Variants in PIK3R3 observed in about 807,000 individuals in gnomAD.
PIK3R3 encodes phosphoinositide-3-kinase regulatory subunit 3, also known as phosphatidylinositol 3-kinase regulatory subunit gamma.
A neutral mutation model predicts 62.9 loss-of-function variants in PIK3R3; 64 were observed. That is an observed-to-expected ratio of 1.02 (90% CI 0.83 to 1.25). The LOEUF (loss-of-function observed/expected upper bound fraction) is 1.25. Ranked by LOEUF, PIK3R3 falls within the 50% of genes most tolerant of loss-of-function variation. The probability of loss-of-function intolerance (pLI) is 0.00; values close to 1 mark genes in which losing one functional copy is unlikely to be tolerated. For missense variants in PIK3R3, 614 were observed against 561.6 expected (o/e 1.09, Z -0.94); for synonymous variants, 165 against 189.0 (o/e 0.87, Z 1.04).
At chr1:46,082,353 A>G (rs185075429) in intron 1 of PIK3R3, among the ~76,000 whole-genome samples, 1 of 152,366 alleles carries the variant, frequency 6.6e-6, no homozygotes, top group Admixed American at 6.5e-5. Flanking sequence ...ATGAGGGTCA[A>G]GGAAAGACTG....
upstream of PIK3R3, chr1:46,132,734 G>T (rs1369742063): frequency 7.8e-7 from 1 of 1,288,030 alleles, no homozygotes; most frequent in Non-Finnish European, 1.0e-6. Context: ...CGGGAGGGGG[G>T]ACAGCAGGCA....
At chr1:46,165,505 C>T in the PIK3R3 span, among the ~76,000 whole-genome samples, 2 of 151,396 alleles carry the variant, frequency 1.3e-5, no homozygotes, top group Non-Finnish European at 2.9e-5. Flanking sequence ...GGGTTTACTC[C>T]ATGTTGGTCA....
chr1:46,143,282 G>A, the PIK3R3 span, among the ~76,000 whole-genome samples: 7 of 152,070 alleles, frequency 4.6e-5, no homozygotes, highest in Non-Finnish European at 8.8e-5. Flanking sequence ...GACCCAGGCT[G>A]GTCAGTCAAT....
chr1:46,141,734 C>A, the PIK3R3 span, among the ~76,000 whole-genome samples: 19 of 152,188 alleles, frequency 1.2e-4, no homozygotes, highest in Admixed American at 7.2e-4. Context: ...CTAATCCCAA[C>A]GTGAATCTTA....
intron 1 of PIK3R3, among the ~76,000 whole-genome samples, chr1:46,092,988 G>A (rs1407657915): frequency 2.6e-5 from 4 of 152,162 alleles, no homozygotes. Flanking sequence ...GGTTTCACCA[G>A]TAATGGTCTC....
intron 1 of PIK3R3, among the ~76,000 whole-genome samples, chr1:46,127,354 A>AT (rs1337156761): frequency 0.02 from 2,731 of 133,672 alleles, 21 homozygotes; most frequent in African/African-American, 0.034. Flanking sequence ...AAAAAAAAAA[A>AT]AAATATATAT....
At chr1:46,099,079 C>T (rs999515962) in intron 1 of PIK3R3, among the ~76,000 whole-genome samples, 1 of 152,082 alleles carries the variant, frequency 6.6e-6, no homozygotes, top group African/African-American at 2.4e-5. Flanking sequence ...AATAGTTGCA[C>T]AACTATTTGA....
chr1:46,124,796 C>CAA (rs55985922), intron 1 of PIK3R3, among the ~76,000 whole-genome samples: 4 of 108,358 alleles, frequency 3.7e-5, no homozygotes, highest in Admixed American at 1.0e-4. Context: ...AACTCTTTTT[C>CAA]AAAAAAAAAA....
the PIK3R3 span, among the ~76,000 whole-genome samples, chr1:46,151,393 A>G: frequency 6.6e-6 from 1 of 152,082 alleles, no homozygotes; most frequent in Non-Finnish European, 1.5e-5. Flanking sequence ...TTATCCCTCC[A>G]CAAGAAAAAG....
Position 46,132,475 on chromosome 1 carries a change from A to T in PIK3R3, c.-523T>A. 1 of 1,200,774 alleles carries T rather than the reference A, an allele frequency of 8.3e-7. No individual in the cohort carries two copies. Among genetic ancestry groups the T allele is most frequent in the Non-Finnish European group, 1.1e-6 (1 of 946,844 alleles). The allele number at this position is 1,200,774 out of a possible 1,614,324, so 74.4% of individuals were successfully genotyped here. A position where few individuals can be genotyped will look rare whatever the true frequency, so the allele number is the denominator to read the frequency against. On this transcript the variant is annotated 5_prime_UTR_variant, in exon 1 of 10. Transcript: ENST00000262741. ...GAGAGCGAATCCCCCAGAGGCCGGG[A>T]CTCGGGCTCCTCTCCGGTCGGTCTC... is the stretch of plus-strand genomic sequence containing the variant.
intron 9 of PIK3R3, among the ~76,000 whole-genome samples, chr1:46,045,143 A>G (rs1276966497): frequency 3.3e-5 from 5 of 152,190 alleles, no homozygotes; most frequent in African/African-American, 1.2e-4. Context: ...AATCCTCACA[A>G]AAACCCTAAA....
At chr1:46,165,946 A>AT in the PIK3R3 span, among the ~76,000 whole-genome samples, 17 of 146,268 alleles carry the variant, frequency 1.2e-4, no homozygotes, top group South Asian at 4.3e-4. Context: ...AATTTTTTGT[A>AT]TTTTTTTTAG....
chr1:46,111,698 C>T lies in PIK3R3; in HGVS notation c.106+20149G>A, dbSNP rs984279230. 3.9e-5 allele frequency among the ~76,000 whole-genome samples: 6 copies of T among 151,934 alleles called. No homozygotes were observed. In the East Asian group the frequency reaches 1.2e-3, roughly 29 times the overall value. On this transcript the variant is annotated intron_variant, in intron 1 of 9. Coordinates refer to ENST00000262741, the MANE Select transcript of PIK3R3 (RefSeq NM_003629.4). ...TGAGATCACACCACTGCACTTCAGCCTGGGTGACAGAGCCAGACTCTGTCT... is the reference window on the plus strand; with the variant it reads ...TGAGATCACACCACTGCACTTCAGCTTGGGTGACAGAGCCAGACTCTGTCT...
At chr1:46,075,777 G>T (rs1364265406) in intron 3 of PIK3R3, among the ~76,000 whole-genome samples, 3 of 152,170 alleles carry the variant, frequency 2.0e-5, no homozygotes, top group Non-Finnish European at 4.4e-5. Flanking sequence ...TGGAGGCTGA[G>T]AAGTCCCATT....
At chr1:46,094,473 G>A (rs1651929884) in intron 1 of PIK3R3, among the ~76,000 whole-genome samples, 1 of 152,044 alleles carries the variant, frequency 6.6e-6, no homozygotes, top group South Asian at 2.1e-4. Flanking sequence ...ATGGAAACAG[G>A]AAAAGAGAAA....
intron 1 of PIK3R3, among the ~76,000 whole-genome samples, chr1:46,090,599 T>C (rs897941949): frequency 6.6e-6 from 1 of 151,902 alleles, no homozygotes; most frequent in Non-Finnish European, 1.5e-5. Flanking sequence ...TCCCAAAGTA[T>C]TGGGATTACA....
intron 1 of PIK3R3, among the ~76,000 whole-genome samples, chr1:46,129,016 A>T (rs2149477807): frequency 6.6e-6 from 1 of 151,984 alleles, no homozygotes; most frequent in East Asian, 1.9e-4. Flanking sequence ...GATTGCAGTG[A>T]GCCAAGATGG....
At chr1:46,121,609 AC>A (rs1436306303) in intron 1 of PIK3R3, among the ~76,000 whole-genome samples, 1 of 152,150 alleles carries the variant, frequency 6.6e-6, no homozygotes, top group African/African-American at 2.4e-5. Flanking sequence ...AGCTTGGGCA[AC>A]CTGGAAAGAC....
chr1:46,115,850 T>G (rs1336896572), intron 1 of PIK3R3, among the ~76,000 whole-genome samples: 3 of 152,188 alleles, frequency 2.0e-5, no homozygotes, highest in Non-Finnish European at 4.4e-5. Flanking sequence ...TTCCTGGCCC[T>G]TATTGTACAG....
Sources: gnomAD v4.1 joint callset for allele counts (sites outside exome capture counted in the v4.1 genomes callset) on GRCh38, gnomAD v4.1.1 for gene constraint, MANE v1.5 for transcripts, NCBI Gene and HGNC (gene_info 2026-07-23, HGNC 2026-07-21) for gene names.